TYW1B: variants seen among roughly 807,000 people sequenced by gnomAD.
TYW1B encodes the protein S-adenosyl-L-methionine-dependent tRNA 4-demethylwyosine synthase TYW1B.
A neutral mutation model predicts 86.9 loss-of-function variants in TYW1B; 73 were observed. That is an observed-to-expected ratio of 0.84 (90% confidence interval 0.70 to 1.02). The LOEUF (loss-of-function observed/expected upper bound fraction) is 1.02. Among genes scored for constraint, TYW1B ranks in the 50% least tolerant of loss-of-function variants. The pLI, the probability that TYW1B is intolerant of heterozygous loss-of-function variation, is 0.00. For missense variants in TYW1B, 637 were observed against 827.4 expected (o/e 0.77, Z 2.82); for synonymous variants, 248 against 292.8 (o/e 0.85, Z 1.56).
At chr7:72,740,272 C>T (rs1243987759) in intron 8 of TYW1B, among the ~76,000 whole-genome samples, 1 of 151,774 alleles carries the variant, frequency 6.6e-6, no homozygotes, top group Non-Finnish European at 1.5e-5. Context: ...TAGTAGCACA[C>T]ACCTGTAATC....
intron 10 of TYW1B, among the ~76,000 whole-genome samples, chr7:72,713,281 AC>A (rs1786709102): frequency 7.4e-6 from 1 of 135,450 alleles, no homozygotes; most frequent in Non-Finnish European, 1.5e-5. Context: ...AGCCGGGGAG[AC>A]AGAGTGAGAC....
intron 13 of TYW1B, among the ~76,000 whole-genome samples, chr7:72,607,203 G>T (rs1811820347): frequency 6.6e-6 from 1 of 151,908 alleles, no homozygotes; most frequent in South Asian, 2.1e-4. Context: ...GACCAGCCTG[G>T]CCAACATGGA....
At chr7:72,814,381 G>A (rs1208494153) in intron 3 of TYW1B, among the ~76,000 whole-genome samples, 2 of 151,640 alleles carry the variant, frequency 1.3e-5, no homozygotes, top group African/African-American at 2.4e-5. Context: ...TCAGGAGATC[G>A]AGACCATCCT....
At position 72,777,456 on chromosome 7, in the gene TYW1B, A is replaced by G. The variant is rs782497502; in HGVS notation, c.924T>C (p.Ala308=). The G allele has an allele frequency of 2.5e-6, 4 of 1,614,028 alleles. No individual in the cohort carries two copies. The East Asian group carries it at 8.9e-5, about 36-fold the overall frequency. The change falls in exon 7 of 14, where the codon GCT becomes GCC. Residue 308 remains alanine (A), a synonymous_variant. Transcript: ENST00000620995. ...MGRNEDGERR[A]MITPALREAL... ...CTTCTCGGAGAGCAGGAGTTATCAT[A>G]GCTCTTCTTTCACCATCTTCATTCC... is the stretch of plus-strand genomic sequence containing the variant.
chr7:72,705,896 G>T (rs1177087216), intron 10 of TYW1B, among the ~76,000 whole-genome samples: 9 of 152,168 alleles, frequency 5.9e-5, no homozygotes, highest in Middle Eastern at 3.2e-3. Context: ...GCATTACAGC[G>T]TGGAGCTATG....
chr7:72,639,947 A>G (rs1269614641), intron 11 of TYW1B, among the ~76,000 whole-genome samples: 2 of 152,170 alleles, frequency 1.3e-5, no homozygotes, highest in African/African-American at 4.8e-5. Flanking sequence ...AAACAGCATA[A>G]AAGTTGGGAT....
intron 13 of TYW1B, among the ~76,000 whole-genome samples, chr7:72,613,551 G>A (rs1365676109): frequency 4.0e-5 from 6 of 151,530 alleles, no homozygotes; most frequent in African/African-American, 1.5e-4. Context: ...GAGATTACAG[G>A]CCCCCGCCAC....
intron 12 of TYW1B, among the ~76,000 whole-genome samples, chr7:72,618,031 T>C (rs1299793898): frequency 6.6e-6 from 1 of 152,022 alleles, no homozygotes; most frequent in African/African-American, 2.4e-5. Context: ...AAATCAAACT[T>C]TTCTCAACAA....
Position 72,723,059 on chromosome 7 carries a change from A to G in TYW1B, c.1192+5763T>C, listed in dbSNP as rs188898894. 62 of 980,410 alleles carry G rather than the reference A, an allele frequency of 6.3e-5. 1 individual carries two copies. The highest frequency in any genetic ancestry group is 6.7e-4 in the Middle Eastern group (2 of 2,988). The allele number at this position is 980,410 out of a possible 1,614,324, so 60.7% of individuals were successfully genotyped here. ...CAAAAGGCAGAGGAGCCTGGGTCCC[A>G]AGGGGACAAGGAGCCTGGTTTGCCC... On this transcript the variant is annotated intron_variant, in intron 9 of 13. Transcript: ENST00000620995.
At chr7:72,681,625 C>T (rs550307186) in intron 11 of TYW1B, among the ~76,000 whole-genome samples, 7 of 133,958 alleles carry the variant, frequency 5.2e-5, no homozygotes, top group Non-Finnish European at 7.7e-5. Context: ...GTTAGAGTCT[C>T]GCTCTGTCGC....
At chr7:72,598,871 G>C (rs1241372322) in intron 13 of TYW1B, among the ~76,000 whole-genome samples, 1 of 152,162 alleles carries the variant, frequency 6.6e-6, no homozygotes, top group East Asian at 1.9e-4. Context: ...GGTGGAGGAA[G>C]ACAGACAGAC....
chr7:72,627,497 T>TA (rs1563036250), intron 12 of TYW1B, among the ~76,000 whole-genome samples: 1 of 150,954 alleles, frequency 6.6e-6, no homozygotes, highest in African/African-American at 2.4e-5. Flanking sequence ...TAACATAACA[T>TA]AACATAACAT....
chr7:72,815,474 G>A lies in TYW1B; in HGVS notation c.143C>T (p.Ala48Val). The A allele has an allele frequency of 1.9e-6, 3 of 1,606,746 alleles. No homozygotes were observed. Among genetic ancestry groups the A allele is most frequent in the Non-Finnish European group, 2.5e-6 (3 of 1,178,426 alleles). The change falls in exon 3 of 14, where the codon GCA becomes GTA. Residue 48 changes from alanine (A) to valine (V), a missense_variant. Physicochemically the swap from Ala to Val is moderately conservative, Grantham distance 64. Transcript: ENST00000620995. ...VQIVIEMQGF[A>V]TVLAEAVTSL... Reference sequence around the variant, plus strand: ...CGTAACTGCTTCAGCAAGAACTGTTGCAAATCCCTAATAGGACAAAAAAAA... The same window carrying A: ...CGTAACTGCTTCAGCAAGAACTGTTACAAATCCCTAATAGGACAAAAAAAA...
rs547750453 is a variant in TYW1B, at chr7:72,807,286, T to A, written c.503A>T (p.Asp168Val). The A allele has an allele frequency of 6.2e-7, 1 of 1,614,158 alleles. No homozygotes were observed. Among genetic ancestry groups the A allele is most frequent in the Admixed American group, 1.7e-5 (1 of 59,988 alleles). The change falls in exon 5 of 14, where the codon GAC becomes GTC. Residue 168 changes from aspartate to valine, a missense_variant. By Grantham distance (152) the Asp-to-Val change is radical (BLOSUM62 -3). Coordinates refer to ENST00000620995, the MANE Select transcript of TYW1B (RefSeq NM_001145440.3). Reference sequence around the variant, plus strand: ...GTGCTTGCTTTTAACCACGTCGCAGTCGCCCTCCCCTCGACTCATCACACG... The same window carrying A: ...GTGCTTGCTTTTAACCACGTCGCAGACGCCCTCCCCTCGACTCATCACACG... Reference protein sequence around the residue: ...VHRVMSRGEGDCDVVKSKHGS... With the variant: ...VHRVMSRGEGVCDVVKSKHGS...
At chr7:72,721,490 G>C (rs1786900728) in intron 9 of TYW1B, among the ~76,000 whole-genome samples, 1 of 151,972 alleles carries the variant, frequency 6.6e-6, no homozygotes, top group South Asian at 2.1e-4. Context: ...CATTTCTCTG[G>C]TAATAGCCTC....
intron 10 of TYW1B, among the ~76,000 whole-genome samples, chr7:72,712,249 G>C (rs1180808714): frequency 1.3e-5 from 2 of 151,996 alleles, no homozygotes; most frequent in Admixed American, 1.3e-4. Flanking sequence ...GGAACCCTCG[G>C]TGTAATTACC....
intron 7 of TYW1B, among the ~76,000 whole-genome samples, chr7:72,750,054 G>A (rs59347402): frequency 6.6e-6 from 1 of 151,008 alleles, no homozygotes; most frequent in Admixed American, 6.6e-5. Flanking sequence ...AACACCTGGT[G>A]GGGGGGTGGG....
chr7:72,598,114 T>G (rs1360602395), intron 13 of TYW1B, among the ~76,000 whole-genome samples: 5 of 152,180 alleles, frequency 3.3e-5, no homozygotes, highest in Non-Finnish European at 1.5e-5. Context: ...TTTGAGTCAG[T>G]GGGCTGGGGA....
At chr7:72,632,425 AATAT>A (rs1368056863) in intron 11 of TYW1B, among the ~76,000 whole-genome samples, 2,106 of 92,028 alleles carry the variant, frequency 0.023, 84 homozygotes, top group African/African-American at 0.06. Flanking sequence ...ATATATATAA[AATAT>A]ATATATACGT....
Sources: allele counts gnomAD v4.1 joint callset (sites outside exome capture counted in the v4.1 genomes callset), GRCh38; gene constraint gnomAD v4.1.1; transcripts MANE v1.5; gene names NCBI Gene and HGNC (gene_info 2026-07-23, HGNC 2026-07-21).